The following NOC2L variants were observed in gnomAD, a reference collection of about 807,000 sequenced individuals.
NOC2L encodes nucleolar complex protein 2 homolog.
NOC2L carries 101 observed loss-of-function variants against 94.2 expected under a neutral mutation model. That is an observed-to-expected ratio of 1.07 (90% CI 0.91 to 1.26). The LOEUF (loss-of-function observed/expected upper bound fraction) is 1.26, where lower values mean the gene tolerates loss of function less well. NOC2L is among the 50% of genes most tolerant of loss of function. NOC2L has a pLI of 0.00. For synonymous variants in NOC2L, 531 were observed against 413.4 expected (o/e 1.28, Z -3.45); for missense variants, 1,076 against 980.1 (o/e 1.10, Z -1.31).
chr1:954,418 G>A (rs571305794), intron 6 of NOC2L: 12 of 280,544 alleles, frequency 4.3e-5, no homozygotes, highest in South Asian at 3.4e-4. Context: ...CATCCCCACC[G>A]TGAGACCACA....
At chr1:950,249 A>G (rs906080638) in intron 12 of NOC2L, among the ~76,000 whole-genome samples, 3 of 151,712 alleles carry the variant, frequency 2.0e-5, no homozygotes, top group African/African-American at 7.3e-5. Context: ...ATGCAAATGC[A>G]TGCACACAAG....
At chr1:944,858 A>T (rs3748592) in intron 18 of NOC2L, 58 bp from the exon 19 acceptor site, 1 of 1,328,182 alleles carries the variant, frequency 7.5e-7, no homozygotes, top group Non-Finnish European at 1.0e-6. Flanking sequence ...AGCCAGCCTT[A>T]GAGGTTACTC....
At position 957,234 on chromosome 1, in the gene NOC2L, G is replaced by C. The variant is rs1190446638; in HGVS notation, c.219C>G (p.Leu73=). 1 of 1,613,912 alleles carries C rather than the reference G, an allele frequency of 6.2e-7. No individual in the cohort carries two copies. Among genetic ancestry groups the C allele is most frequent in the Non-Finnish European group, 8.5e-7 (1 of 1,180,022 alleles). Residue 73 remains leucine (L), a synonymous_variant, in exon 3 of 19, where the codon CTC becomes CTG. Transcript: ENST00000327044. ...CGGGGTCTCTGTCCTTCAGCCGAGAGAGCTGGTCTTTGTGCTCAGAGGCAC... is the reference window on the plus strand; with the variant it reads ...CGGGGTCTCTGTCCTTCAGCCGAGACAGCTGGTCTTTGTGCTCAGAGGCAC... ...KGRASEHKDQ[L]SRLKDRDPEF... is the part of the protein sequence containing the mutation.
rs991442629 is a variant in NOC2L at position 951,253 on chromosome 1, G to T, written c.1332-15C>A. On this transcript the variant is annotated splice_polypyrimidine_tract_variant and intron_variant, in intron 11 of 18. Transcript: ENST00000327044. The stretch of plus-strand genomic sequence containing the variant: ...TGGGGATGAGCCTGGGGGTGGGAAG[G>T]CCGAGTGAGCAGAGGCCCCGGCTCT... 4.5e-6 allele frequency: 7 copies of T among 1,553,562 alleles called. No individual in the cohort carries two copies. The African/African-American group carries it at 5.4e-5, about 12-fold the overall frequency.
rs1290048238 is a variant in NOC2L at position 944,558 on chromosome 1, A to G, written c.*136T>C. 1 of 632,778 alleles carries G rather than the reference A, an allele frequency of 1.6e-6. No individual in the cohort carries two copies. The highest frequency in any genetic ancestry group is 2.7e-6 in the Non-Finnish European group (1 of 373,404). 39.2% of individuals were successfully genotyped at this position (632,778 alleles called of 1,614,324 possible). ...TACGTTTGGTCTTTCATGCTGAAAA[A>G]TAAATAATAAAGCCTGTCCCGTGTC... On this transcript the variant is annotated 3_prime_UTR_variant, in exon 19 of 19. Transcript: ENST00000327044.
Position 944,648 on chromosome 1 carries a change from T to G in NOC2L, c.*46A>C, listed in dbSNP as rs747784865. ...CTGACTGCCAGGGAGGTGGAAACACTGGCCACCAGCCCGGCAGCCCCTACA... is the reference window on the plus strand; with the variant it reads ...CTGACTGCCAGGGAGGTGGAAACACGGGCCACCAGCCCGGCAGCCCCTACA... On this transcript the variant is annotated 3_prime_UTR_variant, in exon 19 of 19. Transcript: ENST00000327044. 1.6e-6 allele frequency: 2 copies of G among 1,243,730 alleles called. No individual in the cohort carries two copies. Among genetic ancestry groups the G allele is most frequent in the Non-Finnish European group, 1.1e-6 (1 of 872,330 alleles). 77.0% of individuals were successfully genotyped at this position (1,243,730 alleles called of 1,614,324 possible). A position where few individuals can be genotyped will look rare whatever the true frequency, so the allele number is the denominator to read the frequency against.
intron 14 of NOC2L, among the ~76,000 whole-genome samples, chr1:947,589 G>C (rs1045045032): frequency 2.0e-5 from 3 of 152,356 alleles, no homozygotes; most frequent in African/African-American, 4.8e-5. Context: ...CAGACCTCCC[G>C]TGGGGGCCCA....
intron 14 of NOC2L, chr1:947,028 G>A (rs1171460378): frequency 6.1e-6 from 1 of 164,320 alleles, no homozygotes; most frequent in Non-Finnish European, 1.3e-5. Context: ...TTGCACTCCA[G>A]CCTGGGCAAC....
Position 947,811 on chromosome 1 carries a change from G to A in NOC2L, c.1659+320C>T, listed in dbSNP as rs112257425. Among the ~76,000 whole-genome samples, 213 of 152,340 alleles carry A rather than the reference G, an allele frequency of 1.4e-3. 1 individual carries two copies. The highest frequency in any genetic ancestry group is 5.0e-3 in the African/African-American group (206 of 41,578). ...TGGCCTGGGGAAGTGTGCGATCAGC[G>A]TACCAGCCTGAGCCAGGGTCGGCAT... On this transcript the variant is annotated intron_variant, in intron 14 of 18. Coordinates refer to ENST00000327044, the MANE Select transcript of NOC2L (RefSeq NM_015658.4).
intron 12 of NOC2L, among the ~76,000 whole-genome samples, chr1:950,446 G>A (rs1047898460): frequency 1.3e-5 from 2 of 151,212 alleles, no homozygotes; most frequent in Non-Finnish European, 2.9e-5. Context: ...GGTGCACACA[G>A]GTACACACGC....
In NOC2L at chr1:944,451, G is replaced by C. The variant is rs1642025452; in HGVS notation, c.*243C>G. 1 of 886,810 alleles carries C rather than the reference G, an allele frequency of 1.1e-6. No homozygotes were observed. Among genetic ancestry groups the C allele is most frequent in the African/African-American group, 1.7e-5 (1 of 57,236 alleles). The allele number at this position is 886,810 out of a possible 1,614,324, so 54.9% of individuals were successfully genotyped here. A position where few individuals can be genotyped will look rare whatever the true frequency, so the allele number is the denominator to read the frequency against. Reference sequence around the variant, plus strand: ...TCTCGGTCTGCTGACGTCAGGGTCAGCTCCCCCGCGGAGCTGACTTCAGCA... The same window carrying C: ...TCTCGGTCTGCTGACGTCAGGGTCACCTCCCCCGCGGAGCTGACTTCAGCA... On this transcript the variant is annotated 3_prime_UTR_variant, in exon 19 of 19. Transcript: ENST00000327044.
chr1:948,626 C>T, intron 12 of NOC2L, 23 bp from the exon 13 acceptor site: 1 of 1,579,236 alleles, frequency 6.3e-7, no homozygotes, highest in Non-Finnish European at 8.7e-7. Flanking sequence ...CCGTGTCAGG[C>T]TCTCTCGGCC....
At chr1:955,237 C>A (rs2100394073) in intron 6 of NOC2L, among the ~76,000 whole-genome samples, 1 of 152,390 alleles carries the variant, frequency 6.6e-6, no homozygotes, top group African/African-American at 2.4e-5. Context: ...CCAGCCCCGA[C>A]CACTACCACC....
In NOC2L at chr1:959,225, T is replaced by C. The variant is rs2100402607; in HGVS notation, c.16A>G (p.Ser6Gly). The C allele has an allele frequency of 1.2e-6, 2 of 1,606,702 alleles. No homozygotes were observed. Among genetic ancestry groups the C allele is most frequent in the Non-Finnish European group, 1.7e-6 (2 of 1,177,522 alleles). The change falls in exon 1 of 19, where the codon AGC becomes GGC. Residue 6 changes from serine to glycine, a missense_variant. Coordinates refer to ENST00000327044, the MANE Select transcript of NOC2L (RefSeq NM_015658.4). MAAAG[S>G]RKRRLAELTV... is the part of the protein sequence containing the mutation. The stretch of plus-strand genomic sequence containing the variant: ...GGACCCGCGGCTTACCTCTTGCGGC[T>C]CCCCGCAGCTGCCATGACACCAACC...
intron 8 of NOC2L, 55 bp downstream of exon 8, chr1:953,727 G>T: frequency 1.5e-6 from 2 of 1,300,802 alleles, no homozygotes; most frequent in Non-Finnish European, 2.2e-6. Context: ...GGTGGGGGTA[G>T]CCGTGTGGCC....
chr1:953,871 T>C lies in NOC2L; in HGVS notation c.799A>G (p.Thr267Ala), dbSNP rs1642327705. The C allele has an allele frequency of 6.2e-7, 1 of 1,613,112 alleles. No homozygotes were observed. Among genetic ancestry groups the C allele is most frequent in the East Asian group, 2.2e-5 (1 of 44,868 alleles). ...CGCAGCACGGCCGCCAACACCGTCGTCTCCGACAGACAGGACACCAGCTGG... is the reference window on the plus strand; with the variant it reads ...CGCAGCACGGCCGCCAACACCGTCGCCTCCGACAGACAGGACACCAGCTGG... The part of the protein sequence containing the change: ...AIQLVSCLSE[T>A]TVLAAVLRHI... The change falls in exon 8 of 19, where the codon ACG becomes GCG. Residue 267 changes from threonine (T) to alanine (A), a missense_variant. Thr to Ala is a moderately conservative substitution (Grantham distance 58). This residue lies in a region of NOC2L where 457 missense variants were observed against 386.0 expected (regional missense o/e 1.18). Transcript: ENST00000327044.
intron 14 of NOC2L, among the ~76,000 whole-genome samples, chr1:947,852 C>T (rs1243267026): frequency 6.6e-6 from 1 of 152,254 alleles, no homozygotes; most frequent in Admixed American, 6.5e-5. Context: ...GTCCCAACCC[C>T]GAAGCAAAGA....
At chr1:949,004 C>T (rs1440292603) in intron 12 of NOC2L, among the ~76,000 whole-genome samples, 4 of 150,880 alleles carry the variant, frequency 2.7e-5, no homozygotes, top group African/African-American at 9.8e-5. Context: ...CACAGCAATG[C>T]CACATGGGGC....
chr1:950,334 CAG>C (rs1462027275), intron 12 of NOC2L, among the ~76,000 whole-genome samples: 1 of 152,136 alleles, frequency 6.6e-6, no homozygotes, highest in East Asian at 1.9e-4. Context: ...TGCATGCACA[CAG>C]ATGCACACAT....
Sources: allele counts gnomAD v4.1 joint callset (sites outside exome capture counted in the v4.1 genomes callset), GRCh38; gene constraint gnomAD v4.1.1; regional missense constraint gnomAD v4.1.1; transcripts MANE v1.5; gene names NCBI Gene and HGNC (gene_info 2026-07-23, HGNC 2026-07-21).